ANKRD6: variants seen among roughly 807,000 people sequenced by gnomAD.
ANKRD6 encodes ankyrin repeat domain 6.
A neutral mutation model predicts 82.3 loss-of-function variants in ANKRD6; 56 were observed. The ratio of observed to expected loss-of-function variants is 0.68; its 90% CI spans 0.55 to 0.85. The LOEUF is 0.85. Ranked by LOEUF, ANKRD6 falls within the 40% of genes least tolerant of loss-of-function variation. The probability of loss-of-function intolerance (pLI) is 0.00; values close to 1 mark genes in which losing one functional copy is unlikely to be tolerated. For synonymous variants in ANKRD6, 347 were observed against 352.1 expected (o/e 0.99, Z 0.16); for missense variants, 852 against 907.6 (o/e 0.94, Z 0.79).
Position 89,434,000 on chromosome 6 carries a change from A to C in ANKRD6, c.-144+625A>C, listed in dbSNP as rs1342987091. Among the ~76,000 whole-genome samples the C allele has an allele frequency of 1.3e-5, 2 of 148,178 alleles. No homozygotes were observed. Among genetic ancestry groups the C allele is most frequent in the African/African-American group, 2.5e-5 (1 of 39,462 alleles). Reference sequence around the variant, plus strand: ...GTGTTGCTTCCGGTAGATCTCGGGGACTGGAGGGGAAGTGCAGCATTATTT... The same window carrying C: ...GTGTTGCTTCCGGTAGATCTCGGGGCCTGGAGGGGAAGTGCAGCATTATTT... On this transcript the variant is annotated intron_variant, in intron 1 of 15. Transcript: ENST00000339746. This position sits in a 1 kb window ranked among gnomAD's most constrained non-coding sequence, Gnocchi z 4.3.
intron 3 of ANKRD6, among the ~76,000 whole-genome samples, chr6:89,597,653 C>T (rs897748105): frequency 6.6e-5 from 10 of 152,304 alleles, no homozygotes; most frequent in East Asian, 1.9e-4. Flanking sequence ...CAAAGTGAGA[C>T]GTGTCAGCAG....
At chr6:89,577,596 T>A (rs1478475619) in intron 2 of ANKRD6, among the ~76,000 whole-genome samples, 1 of 152,142 alleles carries the variant, frequency 6.6e-6, no homozygotes, top group Non-Finnish European at 1.5e-5. Flanking sequence ...AGAGTATCAT[T>A]TCCTAGAACT....
rs1464145696 is a variant in ANKRD6, at chr6:89,629,215, C to T, written c.1589C>T (p.Pro530Leu). The change falls in exon 15 of 16, where the codon CCA becomes CTA. Residue 530 changes from proline (P) to leucine (L), a missense_variant. By Grantham distance (98) the Pro-to-Leu change is moderately conservative. Transcript: ENST00000339746. Reference sequence around the variant, plus strand: ...AGGGCCTGCAGAGCTAAATCCACACCATCTACTTGTGAGTCCTCTACAGGT... The same window carrying T: ...AGGGCCTGCAGAGCTAAATCCACACTATCTACTTGTGAGTCCTCTACAGGT... ...DSRACRAKSTPSTCESSTGVD... is the reference protein window; with the variant it reads ...DSRACRAKSTLSTCESSTGVD... 1 of 1,613,756 alleles carries T rather than the reference C, an allele frequency of 6.2e-7. No individual in the cohort carries two copies. Among genetic ancestry groups the T allele is most frequent in the South Asian group, 1.1e-5 (1 of 91,068 alleles).
chr6:89,505,952 A>C (rs773027028), intron 1 of ANKRD6, among the ~76,000 whole-genome samples: 45 of 152,226 alleles, frequency 3.0e-4, no homozygotes, highest in Admixed American at 7.2e-4. Flanking sequence ...AAATGAAATA[A>C]GCCAAACACA....
chr6:89,577,977 C>T (rs1243107408), intron 2 of ANKRD6, among the ~76,000 whole-genome samples: 4 of 152,182 alleles, frequency 2.6e-5, no homozygotes, highest in Non-Finnish European at 1.5e-5. Flanking sequence ...TACCACTCTC[C>T]CTGAGTAACG....
chr6:89,576,394 T>C (rs1263880697), intron 2 of ANKRD6, among the ~76,000 whole-genome samples: 1 of 152,178 alleles, frequency 6.6e-6, no homozygotes. Flanking sequence ...TTCATCATGT[T>C]GACAAACACA....
Position 89,456,338 on chromosome 6 carries a change from G to C in ANKRD6, c.-144+22963G>C, listed in dbSNP as rs190929934. ...AGTTTGCCAGGGCTGCCATAACAAA[G>C]TACTATAGACTGGGTGACATAAACA... On this transcript the variant is annotated intron_variant, in intron 1 of 15. Coordinates refer to ENST00000339746, the MANE Select transcript of ANKRD6 (RefSeq NM_001242809.2). Among the ~76,000 whole-genome samples, 15 of 152,286 alleles carry C rather than the reference G, an allele frequency of 9.8e-5. No homozygotes were observed. In the East Asian group the frequency reaches 2.9e-3, roughly 29 times the overall value.
chr6:89,440,094 A>G (rs1231465391), intron 1 of ANKRD6, among the ~76,000 whole-genome samples: 1 of 152,248 alleles, frequency 6.6e-6, no homozygotes. Context: ...GTGAGTTCTC[A>G]GCTGGGAGCC....
chr6:89,529,416 G>T (rs1782883050), intron 1 of ANKRD6, among the ~76,000 whole-genome samples: 1 of 152,166 alleles, frequency 6.6e-6, no homozygotes, highest in Non-Finnish European at 1.5e-5. Flanking sequence ...TAAAACTGAA[G>T]AGAGTTAGGG....
chr6:89,448,857 C>T (rs1046591433), intron 1 of ANKRD6, among the ~76,000 whole-genome samples: 5 of 151,708 alleles, frequency 3.3e-5, no homozygotes, highest in Non-Finnish European at 5.9e-5. Flanking sequence ...GGTGAAACCC[C>T]GTTTCTACTA....
intron 2 of ANKRD6, among the ~76,000 whole-genome samples, chr6:89,585,183 A>G (rs886982974): frequency 1.3e-5 from 2 of 152,264 alleles, no homozygotes; most frequent in African/African-American, 4.8e-5. Context: ...AAGAACTCTC[A>G]GAAAACCAGA....
intron 1 of ANKRD6, among the ~76,000 whole-genome samples, chr6:89,490,017 G>A (rs1175200088): frequency 6.6e-6 from 1 of 152,176 alleles, no homozygotes; most frequent in African/African-American, 2.4e-5. Context: ...TTCCCATGCA[G>A]ACAACATGAC....
intron 2 of ANKRD6, among the ~76,000 whole-genome samples, chr6:89,584,189 G>A (rs1045989211): frequency 6.6e-6 from 1 of 152,180 alleles, no homozygotes; most frequent in Non-Finnish European, 1.5e-5. Context: ...AACAAAATGC[G>A]TTGGAGGATT....
At chr6:89,470,805 G>A (rs1395091407) in intron 1 of ANKRD6, among the ~76,000 whole-genome samples, 1 of 151,732 alleles carries the variant, frequency 6.6e-6, no homozygotes, top group African/African-American at 2.4e-5. Context: ...AAGTGAAATC[G>A]CTGGGTCAAA....
chr6:89,465,321 A>G (rs550241897), intron 1 of ANKRD6, among the ~76,000 whole-genome samples: 3 of 152,010 alleles, frequency 2.0e-5, no homozygotes, highest in African/African-American at 7.2e-5. Flanking sequence ...GGGTTTCACC[A>G]TGCTGGCCAG....
intron 7 of ANKRD6, 34 bp downstream of exon 7, chr6:89,613,924 A>T: frequency 6.2e-7 from 1 of 1,605,978 alleles, no homozygotes; most frequent in East Asian, 2.2e-5. Context: ...GGCTGCCAGC[A>T]CCCTTCCCAC....
chr6:89,505,483 G>T (rs1021115951), intron 1 of ANKRD6, among the ~76,000 whole-genome samples: 2 of 152,144 alleles, frequency 1.3e-5, no homozygotes, highest in Non-Finnish European at 2.9e-5. Context: ...TGGTCCTCTG[G>T]CAGGGCTGCC....
At chr6:89,565,443 C>T (rs1354085222) in intron 1 of ANKRD6, 2 of 152,216 alleles carry the variant, frequency 1.3e-5, no homozygotes, top group Non-Finnish European at 2.9e-5. Context: ...TCCGAAGTTA[C>T]AGTATTCACA....
At chr6:89,605,115 G>A (rs928373521) in intron 4 of ANKRD6, among the ~76,000 whole-genome samples, 1 of 152,268 alleles carries the variant, frequency 6.6e-6, no homozygotes, top group African/African-American at 2.4e-5. Context: ...GGCCGGGCAC[G>A]GTGGCTCACG....
Sources: allele counts gnomAD v4.1 joint callset (sites outside exome capture counted in the v4.1 genomes callset), GRCh38; gene constraint gnomAD v4.1.1; non-coding constraint Gnocchi (gnomAD v3.1); transcripts MANE v1.5; gene names NCBI Gene and HGNC (gene_info 2026-07-23, HGNC 2026-07-21).